The following EIF2S3B variants were observed in gnomAD, a reference collection of about 807,000 sequenced individuals.
EIF2S3B encodes the protein eukaryotic translation initiation factor 2 subunit gamma B.
EIF2S3B carries 16 observed loss-of-function variants against 26.4 expected under a neutral mutation model. That is an observed-to-expected ratio of 0.61 (90% confidence interval 0.41 to 0.92). EIF2S3B has a LOEUF of 0.92. Ranked by LOEUF, EIF2S3B falls within the 40% of genes least tolerant of loss-of-function variation. The pLI, the probability that EIF2S3B is intolerant of heterozygous loss-of-function variation, is 0.00. For missense variants in EIF2S3B, 510 were observed against 575.5 expected (o/e 0.89, Z 1.16); for synonymous variants, 183 against 204.4 (o/e 0.90, Z 0.89).
At chr12:10,515,894 T>C (rs1298659174) in intron 1 of EIF2S3B, among the ~76,000 whole-genome samples, 2 of 150,910 alleles carry the variant, frequency 1.3e-5, no homozygotes, top group African/African-American at 2.4e-5. Context: ...ACTACATACA[T>C]ACTAATTTAT....
chr12:10,511,888 TA>T, downstream of EIF2S3B, among the ~76,000 whole-genome samples: 1 of 152,194 alleles, frequency 6.6e-6, no homozygotes, highest in South Asian at 2.1e-4. Context: ...ATGGCTCTGT[TA>T]AAAAAAATTC....
downstream of EIF2S3B, among the ~76,000 whole-genome samples, chr12:10,509,492 ATATTT>A (rs1864685125): frequency 6.6e-6 from 1 of 151,304 alleles, no homozygotes; most frequent in Non-Finnish European, 1.5e-5. Flanking sequence ...GACTTCAATT[ATATTT>A]TATTCAAAAA....
At chr12:10,517,372 C>T (rs1264599466) in intron 1 of EIF2S3B, among the ~76,000 whole-genome samples, 1 of 147,546 alleles carries the variant, frequency 6.8e-6, no homozygotes. Context: ...TTATCCATTT[C>T]TTCTAGATTT....
rs762378347 is a variant in EIF2S3B at position 10,507,007 on chromosome 12, A to T, written c.1105A>T (p.Thr369Ser). The part of the protein sequence containing the change: ...GAVGALPEIF[T>S]ELEISYFLLR... ...AGTCGGAGCTTTACCTGAGATATTC[A>T]CAGAATTGGAAATTTCCTATTTCCT... is the stretch of plus-strand genomic sequence containing the variant. The change falls in exon 1 of 1, where the codon ACA (threonine) becomes TCA (serine). Residue 369 changes from threonine (T) to serine (S), a missense_variant. Thr to Ser is a moderately conservative substitution (Grantham distance 58). Coordinates refer to ENST00000538173, the MANE Select transcript of EIF2S3B (RefSeq NM_001357734.3). The T allele has an allele frequency of 2.6e-5, 42 of 1,613,810 alleles. No individual in the cohort carries two copies. In the East Asian group the frequency reaches 9.4e-4, roughly 36 times the overall value.
At chr12:10,514,456 T>C (rs1423179066) in intron 1 of EIF2S3B, among the ~76,000 whole-genome samples, 5 of 152,150 alleles carry the variant, frequency 3.3e-5, no homozygotes, top group Admixed American at 3.3e-4. Flanking sequence ...AGTCTAGGTA[T>C]CTCTCTTGAT....
chr12:10,522,864 T>A, exon 2 of EIF2S3B: 2 of 493,128 alleles, frequency 4.1e-6, no homozygotes, highest in Non-Finnish European at 7.3e-6. Flanking sequence ...CAGCCAGCCC[T>A]ACACCTGGAC....
chr12:10,511,706 G>T (rs1864705830), downstream of EIF2S3B, among the ~76,000 whole-genome samples: 1 of 152,030 alleles, frequency 6.6e-6, no homozygotes. Flanking sequence ...ATTAATATTT[G>T]CATTTAAAGG....
At chr12:10,522,724 G>A (rs1057164883) in exon 2 of EIF2S3B, 1 of 683,824 alleles carries the variant, frequency 1.5e-6, no homozygotes, top group South Asian at 1.6e-5. Flanking sequence ...AAAGAAAAAA[G>A]ACAAAAGAAA....
At chr12:10,509,245 T>C (rs1168838771), downstream of EIF2S3B, among the ~76,000 whole-genome samples, 1 of 152,090 alleles carries the variant, frequency 6.6e-6, no homozygotes, top group African/African-American at 2.4e-5. Context: ...TTTTCTAGCA[T>C]TCTATCTATA....
At position 10,507,404 on chromosome 12, in the gene EIF2S3B, G is replaced by A. The variant is rs59674944; in HGVS notation, c.*83G>A. The A allele has an allele frequency of 7.7e-3, 11,406 of 1,474,674 alleles. 677 individuals are homozygous for A. The African/African-American group carries it at 0.14, about 18-fold the overall frequency. 91.3% of individuals were successfully genotyped at this position (1,474,674 alleles called of 1,614,324 possible). On this transcript the variant is annotated 3_prime_UTR_variant, in exon 1 of 1. Transcript: ENST00000538173. ...CAACCAAGGGGTTTATTTTCAAAGC[G>A]ATATTGGGGAATTGATTTCACAGTT...
intron 1 of EIF2S3B, among the ~76,000 whole-genome samples, chr12:10,522,001 C>T (rs544653171): frequency 8.8e-4 from 134 of 152,270 alleles, no homozygotes; most frequent in African/African-American, 3.1e-3. Context: ...TAAACCATCT[C>T]AAGAATAACT....
chr12:10,507,921 A>C lies in EIF2S3B; in HGVS notation c.*600A>C, dbSNP rs1344165814. 3.3e-5 allele frequency among the ~76,000 whole-genome samples: 5 copies of C among 152,188 alleles called. No homozygotes were observed. The highest frequency in any genetic ancestry group is 1.3e-4 in the Admixed American group (2 of 15,282). On this transcript the variant is annotated 3_prime_UTR_variant, in exon 1 of 1. Coordinates refer to ENST00000538173, the MANE Select transcript of EIF2S3B (RefSeq NM_001357734.3). Reference sequence around the variant, plus strand: ...CAGTTTGAAATGAAACTTTGCCACAACCAGCCTTTGCTGTAGCACACACAT... The same window carrying C: ...CAGTTTGAAATGAAACTTTGCCACACCCAGCCTTTGCTGTAGCACACACAT...
In EIF2S3B at chr12:10,506,451, G is replaced by A. The variant is rs777857476; in HGVS notation, c.549G>A (p.Lys183=). The A allele has an allele frequency of 6.2e-7, 1 of 1,612,878 alleles. No homozygotes were observed. The change falls in exon 1 of 1, where the codon AAG becomes AAA. Residue 183 remains lysine (K), a synonymous_variant. Coordinates refer to ENST00000538173, the MANE Select transcript of EIF2S3B (RefSeq NM_001357734.3). The stretch of plus-strand genomic sequence containing the variant: ...CTGCTATAGAGATCATGAAACTGAA[G>A]CATATTTTGATTCTACAAAATAAAA... ...HLAAIEIMKL[K]HILILQNKID...
chr12:10,505,969 T>C lies in EIF2S3B; in HGVS notation c.67T>C (p.Leu23=). 1 of 1,605,644 alleles carries C rather than the reference T, an allele frequency of 6.2e-7. No individual in the cohort carries two copies. The highest frequency in any genetic ancestry group is 8.5e-7 in the Non-Finnish European group (1 of 1,172,212). Residue 23 remains leucine (L), a synonymous_variant, in exon 1 of 1, where the codon TTG becomes CTG. Transcript: ENST00000538173. ...PHLSRQDLTT[L]DVTKLTPLSH... ...CCTTTCGCGTCAGGATCTCACCACCTTGGATGTTACCAAGTTGACGCCACT... is the reference window on the plus strand; with the variant it reads ...CCTTTCGCGTCAGGATCTCACCACCCTGGATGTTACCAAGTTGACGCCACT...
chr12:10,510,606 T>C (rs771344153), downstream of EIF2S3B, among the ~76,000 whole-genome samples: 13 of 152,152 alleles, frequency 8.5e-5, no homozygotes, highest in Middle Eastern at 3.2e-3. Flanking sequence ...ATGTACACTT[T>C]ACGTACTTCA....
chr12:10,514,584 C>A (rs1051312105), intron 1 of EIF2S3B, among the ~76,000 whole-genome samples: 3 of 152,092 alleles, frequency 2.0e-5, no homozygotes, highest in African/African-American at 7.2e-5. Context: ...CACAAAGCAC[C>A]TAAATCATCA....
At position 10,507,779 on chromosome 12, in the gene EIF2S3B, G is replaced by A. The variant is rs59974073; in HGVS notation, c.*458G>A. On this transcript the variant is annotated 3_prime_UTR_variant, in exon 1 of 1. Coordinates refer to ENST00000538173, the MANE Select transcript of EIF2S3B (RefSeq NM_001357734.3). ...GGCTAATTTTTGTATTAGTAGAGACGGGGTTTCGGCATGTTGGCCAGGCCA... is the reference window on the plus strand; with the variant it reads ...GGCTAATTTTTGTATTAGTAGAGACAGGGTTTCGGCATGTTGGCCAGGCCA... Among the ~76,000 whole-genome samples, 5,946 of 152,066 alleles carry A rather than the reference G, an allele frequency of 0.039. 394 individuals carry two copies. Among genetic ancestry groups the A allele is most frequent in the African/African-American group, 0.13 (5,582 of 41,446 alleles).
chr12:10,513,786 G>A (rs1330546405), intron 1 of EIF2S3B, among the ~76,000 whole-genome samples: 5 of 152,100 alleles, frequency 3.3e-5, no homozygotes, highest in Admixed American at 6.6e-5. Context: ...AGGCTGAGGC[G>A]GGTGGATCAT....
At chr12:10,515,917 ATATT>A (rs1864750786) in intron 1 of EIF2S3B, among the ~76,000 whole-genome samples, 1 of 151,268 alleles carries the variant, frequency 6.6e-6, no homozygotes, top group African/African-American at 2.4e-5. Context: ...TAGTATATAT[ATATT>A]AGCTTATTTT....
Sources: gnomAD v4.1 joint callset for allele counts (sites outside exome capture counted in the v4.1 genomes callset) on GRCh38, gnomAD v4.1.1 for gene constraint, MANE v1.5 for transcripts, NCBI Gene and HGNC (gene_info 2026-07-23, HGNC 2026-07-21) for gene names.